Variants in SUN3 observed in about 807,000 individuals in gnomAD.
SUN3 encodes the protein SUN domain-containing protein 3.
In SUN3, 36 loss-of-function variants were observed where a neutral mutation model predicts 48.2. That is an observed-to-expected ratio of 0.75 (90% CI 0.57 to 0.99). The LOEUF is 0.99. SUN3 is among the 50% of genes least tolerant of loss of function. The pLI is 0.00. For synonymous variants in SUN3, 148 were observed against 147.9 expected, an observed-to-expected ratio of 1.00 and a Z score of 0.00; for missense variants, 419 against 433.1, an observed-to-expected ratio of 0.97 and a Z score of 0.29.
chr7:48,006,238 G>A (rs930775619), intron 5 of SUN3, among the ~76,000 whole-genome samples, 185 bp from the exon 6 acceptor site: 1 of 152,084 alleles, frequency 6.6e-6, no homozygotes, highest in African/African-American at 2.4e-5. Context: ...TCTTGGGAGT[G>A]TCATTTTCAG....
intron 8 of SUN3, among the ~76,000 whole-genome samples, chr7:47,993,355 G>T (rs983767600): frequency 2.0e-5 from 3 of 152,078 alleles, no homozygotes; most frequent in Non-Finnish European, 4.4e-5. Flanking sequence ...ACTTGTACAT[G>T]AATGTTTGTT....
At chr7:47,995,389 T>C (rs1325258824) in intron 7 of SUN3, among the ~76,000 whole-genome samples, 2 of 152,096 alleles carry the variant, frequency 1.3e-5, no homozygotes, top group Non-Finnish European at 2.9e-5. Flanking sequence ...GTGGTGGTTA[T>C]GGTGGTAGAG....
At chr7:48,009,702 G>A (rs1364196385) in intron 3 of SUN3, among the ~76,000 whole-genome samples, 24 of 152,142 alleles carry the variant, frequency 1.6e-4, no homozygotes. Flanking sequence ...CAAGAAACCA[G>A]GAAAAGGTAA....
At chr7:48,026,017 A>C in intron 1 of SUN3, 79 bp from the exon 2 acceptor site, 19 of 875,754 alleles carry the variant, frequency 2.2e-5, no homozygotes, top group South Asian at 3.0e-5. Flanking sequence ...CACTACACTC[A>C]CGTCAACAAA....
At chr7:48,001,236 C>T (rs749593502) in intron 6 of SUN3, among the ~76,000 whole-genome samples, 1 of 152,276 alleles carries the variant, frequency 6.6e-6, no homozygotes, top group Admixed American at 6.5e-5. Flanking sequence ...TCTCCCTTCT[C>T]TCACCCTCCA....
chr7:48,028,932 C>T lies in SUN3; in HGVS notation c.7G>A (p.Gly3Arg). The change falls in exon 1 of 10, where the codon GGA becomes AGA. Residue 3 changes from glycine (G) to arginine (R), a missense_variant. By Grantham distance (125) the Gly-to-Arg change is moderately radical. Transcript: ENST00000297325. ...GCAGCCCTTCTTGCCTTTGTTTTTC[C>T]ACTCATGATCCCCTACCAAAGAACA... MSGKTKARRAAMF... is the reference protein window; with the variant it reads MSRKTKARRAAMF... 1 of 1,613,856 alleles carries T rather than the reference C, an allele frequency of 6.2e-7. No homozygotes were observed. The highest frequency in any genetic ancestry group is 8.5e-7 in the Non-Finnish European group (1 of 1,179,826).
At chr7:48,016,809 A>T (rs1008522651) in intron 3 of SUN3, among the ~76,000 whole-genome samples, 1 of 152,164 alleles carries the variant, frequency 6.6e-6, no homozygotes, top group Non-Finnish European at 1.5e-5. Flanking sequence ...TAAACAACAG[A>T]AGTTTGTTTG....
At chr7:48,006,381 A>G (rs563622461) in intron 5 of SUN3, among the ~76,000 whole-genome samples, 17 of 152,298 alleles carry the variant, frequency 1.1e-4, no homozygotes, top group Admixed American at 8.5e-4. Flanking sequence ...GCTGTGACCT[A>G]CTGTGTTCTG....
intron 6 of SUN3, among the ~76,000 whole-genome samples, chr7:47,997,995 T>A (rs2708886): frequency 0.1 from 15,380 of 152,276 alleles, 938 homozygotes; most frequent in South Asian, 0.17. Context: ...GGACATGGGG[T>A]TATTCTCAAT....
intron 8 of SUN3, among the ~76,000 whole-genome samples, chr7:47,993,425 AATAG>A (rs893295403): frequency 4.6e-5 from 7 of 152,250 alleles, no homozygotes; most frequent in African/African-American, 1.2e-4. Flanking sequence ...TCAACTGATG[AATAG>A]ATAAATAAAA....
At chr7:48,031,364 T>C (rs1790254026), upstream of SUN3, among the ~76,000 whole-genome samples, 1 of 152,088 alleles carries the variant, frequency 6.6e-6, no homozygotes, top group Non-Finnish European at 1.5e-5. Flanking sequence ...ATGGCTATTA[T>C]AAAAAAGATA....
intron 2 of SUN3, among the ~76,000 whole-genome samples, chr7:48,022,167 A>G (rs916885447): frequency 1.3e-5 from 2 of 152,204 alleles, no homozygotes; most frequent in Non-Finnish European, 1.5e-5. Context: ...AGCCATTCAT[A>G]GAAAGACAAA....
chr7:47,991,831 C>T (rs1789072807), intron 8 of SUN3, among the ~76,000 whole-genome samples: 1 of 152,096 alleles, frequency 6.6e-6, no homozygotes, highest in African/African-American at 2.4e-5. Context: ...GAGCCCAAAT[C>T]TGCGGCTTAG....
rs547931139 is a variant in SUN3, at chr7:47,990,221, C to T, written c.862-1341G>A. Among the ~76,000 whole-genome samples the T allele has an allele frequency of 2.1e-4, 32 of 152,232 alleles. No individual in the cohort carries two copies. In the East Asian group the frequency reaches 5.2e-3, roughly 25 times the overall value. ...TCGGTGTAAAACCCGATTGAATATCCCATCTCCTGAGATAGGAGAAAACCG... is the reference window on the plus strand; with the variant it reads ...TCGGTGTAAAACCCGATTGAATATCTCATCTCCTGAGATAGGAGAAAACCG... On this transcript the variant is annotated intron_variant, in intron 8 of 9. Coordinates refer to ENST00000297325, the MANE Select transcript of SUN3 (RefSeq NM_001030019.2).
At chr7:48,007,670 G>A (rs539437570) in intron 4 of SUN3, among the ~76,000 whole-genome samples, 1 of 152,270 alleles carries the variant, frequency 6.6e-6, no homozygotes, top group South Asian at 2.1e-4. Context: ...GGAACACCTT[G>A]CATTTCCGGT....
chr7:48,033,565 AAAAAT>A (rs1378016220), upstream of SUN3, among the ~76,000 whole-genome samples: 1 of 152,142 alleles, frequency 6.6e-6, no homozygotes, highest in Non-Finnish European at 1.5e-5. Context: ...CTGTCTCAAA[AAAAAT>A]AAAATAAAAA....
intron 5 of SUN3, among the ~76,000 whole-genome samples, chr7:48,006,578 C>A (rs887315505): frequency 6.6e-6 from 1 of 152,176 alleles, no homozygotes; most frequent in Non-Finnish European, 1.5e-5. Flanking sequence ...ACCAAAAGCA[C>A]CCTAAGCAGG....
intron 6 of SUN3, among the ~76,000 whole-genome samples, chr7:47,999,295 A>G (rs1463387628): frequency 6.6e-6 from 1 of 152,092 alleles, no homozygotes; most frequent in Non-Finnish European, 1.5e-5. Flanking sequence ...ATTTTCTATT[A>G]TTAGTATATA....
At chr7:47,991,588 T>C (rs1394367216) in intron 8 of SUN3, among the ~76,000 whole-genome samples, 1 of 138,120 alleles carries the variant, frequency 7.2e-6, no homozygotes, top group African/African-American at 2.8e-5. Flanking sequence ...GAGTAGACAG[T>C]AAAACCAAAA....
Sources: gnomAD v4.1 joint callset for allele counts (sites outside exome capture counted in the v4.1 genomes callset) on GRCh38, gnomAD v4.1.1 for gene constraint, MANE v1.5 for transcripts, NCBI Gene and HGNC (gene_info 2026-07-23, HGNC 2026-07-21) for gene names.